Variants in IGFN1 observed in about 807,000 individuals in gnomAD.
IGFN1 encodes the protein immunoglobulin-like and fibronectin type III domain-containing protein 1.
In IGFN1, 253 loss-of-function variants were observed where a neutral mutation model predicts 289.5. The observed-to-expected ratio is 0.87, with a 90% CI of 0.79 to 0.97. The LOEUF (loss-of-function observed/expected upper bound fraction) is 0.97. Ranked by LOEUF, IGFN1 falls within the 50% of genes least tolerant of loss-of-function variation. The pLI, the probability that IGFN1 is intolerant of heterozygous loss-of-function variation, is 0.00. For synonymous variants in IGFN1, 1,706 were observed against 1,788.5 expected (o/e 0.95, Z 1.16); for missense variants, 4,470 against 4,686.1 (o/e 0.95, Z 1.35).
intron 19 of IGFN1, 103 bp from the exon 20 acceptor site, chr1:201,222,636 G>C (rs940043557): frequency 1.4e-6 from 1 of 694,940 alleles, no homozygotes; most frequent in African/African-American, 1.8e-5. Context: ...GCATCAATCC[G>C]ACTGGCCCAG....
rs766135938 is a variant in IGFN1, at chr1:201,207,261, G to T, written c.2368G>T (p.Glu790Ter). ...CAGAGGCTGCGAAGGTGTCCTACAG[G>T]AGCTCAGGGGAAGGGATGGCCAGGA... Reference protein sequence around the residue: ...DPRGCEGVLQELRGRDGQETA... With the variant: ...DPRGCEGVLQ The change falls in exon 12 of 24, where the codon GAG (glutamate) becomes TAG (stop). Residue 790 changes from glutamate to a stop codon, truncating the protein, a stop_gained. Coordinates refer to ENST00000335211, the MANE Select transcript of IGFN1 (RefSeq NM_001164586.2). LOFTEE classifies it high-confidence loss of function. 1.9e-5 allele frequency: 29 copies of T among 1,536,660 alleles called. No individual in the cohort carries two copies. The highest frequency in any genetic ancestry group is 2.3e-5 in the Non-Finnish European group (26 of 1,146,900).
intron 20 of IGFN1, among the ~76,000 whole-genome samples, chr1:201,224,094 C>T (rs1653925471): frequency 6.6e-6 from 1 of 152,206 alleles, no homozygotes; most frequent in Non-Finnish European, 1.5e-5. Flanking sequence ...CCCACCGTGC[C>T]CTGTACTGAG....
intron 11 of IGFN1, 36 bp downstream of exon 11, chr1:201,205,390 A>G: frequency 1.3e-6 from 2 of 1,495,940 alleles, no homozygotes; most frequent in Non-Finnish European, 1.8e-6. Flanking sequence ...CTCTGCCTCC[A>G]GGGAAGACCT....
At position 201,217,326 on chromosome 1, in the gene IGFN1, C is replaced by T. The variant is rs748711941; in HGVS notation, c.9635C>T (p.Ala3212Val). 1.2e-6 allele frequency: 2 copies of T among 1,614,134 alleles called. No homozygotes were observed. The highest frequency in any genetic ancestry group is 1.7e-5 in the Admixed American group (1 of 60,026). ...CCTTCCGCGCCAGCCATCCTGTCGG[C>T]CTCCAGCCAGGGCATCACACTGACA... ...KAPSAPAILS[A>V]SSQGITLTWT... The change falls in exon 17 of 24, where the codon GCC (alanine) becomes GTC (valine). Residue 3212 changes from alanine (A) to valine (V), a missense_variant. Physicochemically the swap from Ala to Val is moderately conservative, Grantham distance 64. Transcript: ENST00000335211.
rs1325706480 is a variant in IGFN1 at position 201,216,113 on chromosome 1, GGTGGTCCCCAGCCCTGA to G, written c.9295+281_9295+297del. 7 of 672,362 alleles carry G rather than the reference GGTGGTCCCCAGCCCTGA, an allele frequency of 1.0e-5. No individual in the cohort carries two copies. The Admixed American group carries it at 1.4e-4, about 14-fold the overall frequency. The allele number at this position is 672,362 out of a possible 1,614,324, so 41.6% of individuals were successfully genotyped here. On this transcript the variant is annotated intron_variant, in intron 15 of 23. Transcript: ENST00000335211. ...CCCTCAGGAAGTTGCTGGGTAGGAT[GGTGGTCCCCAGCCCTGA>G]GTGGTGCCAGCAAGGTAGGACTGCT... is the stretch of plus-strand genomic sequence containing the variant.
Position 201,212,777 on chromosome 1 carries a change from T to C in IGFN1, c.7884T>C (p.Asp2628=), listed in dbSNP as rs75402982. 477 of 1,551,476 alleles carry C rather than the reference T, an allele frequency of 3.1e-4. 3 individuals are homozygous for C. In the East Asian group the frequency reaches 8.7e-3, roughly 28 times the overall value. The part of the protein sequence containing the change: ...RQGTSNAWAP[D]WENQGFSQGS... The stretch of plus-strand genomic sequence containing the variant: ...GGACGAGCAATGCTTGGGCTCCTGA[T>C]TGGGAAAACCAGGGGTTTAGCCAAG... Residue 2628 remains aspartate (D), a synonymous_variant, in exon 12 of 24, where the codon GAT becomes GAC. Transcript: ENST00000335211.
chr1:201,194,030 A>C, intron 2 of IGFN1, 124 bp from the exon 3 acceptor site: 2 of 1,151,224 alleles, frequency 1.7e-6, no homozygotes, highest in Non-Finnish European at 1.2e-6. Context: ...ATCCTGACCC[A>C]AAAGTAGGAG....
chr1:201,199,578 G>T, intron 6 of IGFN1, 31 bp from the exon 7 acceptor site: 1 of 1,547,656 alleles, frequency 6.5e-7, no homozygotes, highest in South Asian at 1.2e-5. Context: ...TCCCACCTGG[G>T]ACTGAGGCCT....
intron 18 of IGFN1, among the ~76,000 whole-genome samples, chr1:201,220,939 T>C (rs1434115967): frequency 6.6e-6 from 1 of 152,218 alleles, no homozygotes; most frequent in Non-Finnish European, 1.5e-5. Flanking sequence ...ACACTCATTG[T>C]GCTTTTTGCT....
intron 20 of IGFN1, among the ~76,000 whole-genome samples, chr1:201,224,164 C>T (rs1653929610): frequency 6.6e-6 from 1 of 152,178 alleles, no homozygotes; most frequent in East Asian, 1.9e-4. Flanking sequence ...TCCCACCCTG[C>T]TCAGGGTCAC....
rs750738576 is a variant in IGFN1, at chr1:201,222,808, G to C, written c.10271G>C (p.Arg3424Pro). ...LLTVKVGDTV[R>P]VPVSFEAMPM... ...ACAGTCAAGGTCGGGGACACAGTTC[G>C]TGTGCCCGTCTCCTTTGAAGTGAGT... The change falls in exon 20 of 24, where the codon CGT becomes CCT. Residue 3424 changes from arginine to proline, a missense_variant. Coordinates refer to ENST00000335211, the MANE Select transcript of IGFN1 (RefSeq NM_001164586.2). 4 of 1,612,908 alleles carry C rather than the reference G, an allele frequency of 2.5e-6. No homozygotes were observed. In the African/African-American group the frequency reaches 5.3e-5, roughly 22 times the overall value.
In IGFN1 at chr1:201,211,149, A is replaced by G. The variant is rs1772839; in HGVS notation, c.6256A>G (p.Thr2086Ala). Residue 2086 changes from threonine (T) to alanine (A), a missense_variant, in exon 12 of 24, where the codon ACA becomes GCA. Transcript: ENST00000335211. ...TAAGGGAATGGGTTCAGGGAGTAAGACAGGTTTCAGGGATGGTTTAGGGGG... is the reference window on the plus strand; with the variant it reads ...TAAGGGAATGGGTTCAGGGAGTAAGGCAGGTTTCAGGGATGGTTTAGGGGG... ...APKGMGSGSK[T>A]GFRDGLGGSE... 6.9e-4 allele frequency: 986 copies of G among 1,425,066 alleles called. No individual in the cohort carries two copies. The highest frequency in any genetic ancestry group is 4.3e-3 in the African/African-American group (227 of 53,384). The allele number at this position is 1,425,066 out of a possible 1,614,324, so 88.3% of individuals were successfully genotyped here.
chr1:201,216,214 C>A, intron 15 of IGFN1: 2 of 600,966 alleles, frequency 3.3e-6, no homozygotes, highest in South Asian at 3.9e-5. Context: ...GGGGCTGGTG[C>A]ATTCCATGGC....
At chr1:201,192,548 A>G (rs1666704609) in intron 1 of IGFN1, among the ~76,000 whole-genome samples, 1 of 152,212 alleles carries the variant, frequency 6.6e-6, no homozygotes, top group African/African-American at 2.4e-5. Context: ...TTCACCTGAC[A>G]CTATAATTCA....
At chr1:201,215,436 A>G (rs2074708004) in intron 14 of IGFN1, 103 bp from the exon 15 acceptor site, 1 of 1,064,576 alleles carries the variant, frequency 9.4e-7, no homozygotes, top group African/African-American at 1.6e-5. Context: ...GGGGCAGGGG[A>G]TTCCTTACTC....
chr1:201,213,517 G>T lies in IGFN1; in HGVS notation c.8624G>T (p.Gly2875Val), dbSNP rs570906016. Residue 2875 changes from glycine to valine, a missense_variant, in exon 12 of 24, where the codon GGC becomes GTC. Gly to Val is a moderately radical substitution (Grantham distance 109). Transcript: ENST00000335211. ...PPGHLGSRRS[G>V]KDGRLDIYGE... is the part of the protein sequence containing the mutation. ...GGTCACCTTGGTAGCAGGAGAAGTG[G>T]CAAAGACGGCAGGTTGGACATCTAT... 1 of 1,614,074 alleles carries T rather than the reference G, an allele frequency of 6.2e-7. No individual in the cohort carries two copies. The highest frequency in any genetic ancestry group is 1.1e-5 in the South Asian group (1 of 91,086).
In IGFN1 at chr1:201,213,499, T is replaced by C. The variant is rs1377039901; in HGVS notation, c.8606T>C (p.Leu2869Pro). 1.9e-6 allele frequency: 3 copies of C among 1,614,002 alleles called. No homozygotes were observed. Among genetic ancestry groups the C allele is most frequent in the Non-Finnish European group, 2.5e-6 (3 of 1,179,946 alleles). The change falls in exon 12 of 24, where the codon CTT becomes CCT. Residue 2869 changes from leucine to proline, a missense_variant. By Grantham distance (98) the Leu-to-Pro change is moderately conservative (BLOSUM62 -3). Around this residue, in one of 8 missense-constraint regions of IGFN1, gnomAD observed 2,218 missense variants for 2,114.1 expected, o/e 1.05. Transcript: ENST00000335211. ...EDQSREPPGH[L>P]GSRRSGKDGR... is the part of the protein sequence containing the mutation. ...CAGAGCCGGGAGCCCCCTGGTCACC[T>C]TGGTAGCAGGAGAAGTGGCAAAGAC...
chr1:201,202,551 G>C (rs1462517682), intron 9 of IGFN1, among the ~76,000 whole-genome samples: 1 of 152,030 alleles, frequency 6.6e-6, no homozygotes, highest in Non-Finnish European at 1.5e-5. Context: ...GATATCGACA[G>C]GGCTAATTCC....
chr1:201,201,624 T>C (rs1667164470), intron 8 of IGFN1, 95 bp from the exon 9 acceptor site: 2 of 666,344 alleles, frequency 3.0e-6, no homozygotes, highest in Non-Finnish European at 2.7e-6. Context: ...TGGAACGCTG[T>C]GGGCCTGGGA....
Sources: gnomAD v4.1 joint callset for allele counts (sites outside exome capture counted in the v4.1 genomes callset) on GRCh38, gnomAD v4.1.1 for gene constraint, gnomAD v4.1.1 regional missense constraint, MANE v1.5 for transcripts, NCBI Gene and HGNC (gene_info 2026-07-23, HGNC 2026-07-21) for gene names.